Variants in UGT1A4 observed in about 807,000 individuals in gnomAD.
UGT1A4 encodes the protein UDP-glucuronosyltransferase 1A4.
A neutral mutation model predicts 41.1 loss-of-function variants in UGT1A4; 32 were observed. The ratio of observed to expected loss-of-function variants is 0.78; its 90% CI spans 0.59 to 1.05. The LOEUF (loss-of-function observed/expected upper bound fraction) is 1.05. Ranked by LOEUF, UGT1A4 falls within the 50% of genes least tolerant of loss-of-function variation. The pLI, the probability that UGT1A4 is intolerant of heterozygous loss-of-function variation, is 0.00. For synonymous variants in UGT1A4, 283 were observed against 265.1 expected (o/e 1.07, Z -0.66); for missense variants, 748 against 677.4 (o/e 1.10, Z -1.16).
intron 1 of UGT1A4, chr2:233,753,285 G>A (rs1446489164): frequency 6.6e-6 from 1 of 152,238 alleles, no homozygotes; most frequent in Admixed American, 6.5e-5. Context: ...TGATTTCAGA[G>A]TTCAGTGTGA....
rs188496889 is a variant in UGT1A4, at chr2:233,733,647, G to A, written c.867+13960G>A. Among the ~76,000 whole-genome samples, 3 of 152,328 alleles carry A rather than the reference G, an allele frequency of 2.0e-5. No individual in the cohort carries two copies. The East Asian group carries it at 5.8e-4, about 29-fold the overall frequency. ...ATGTTGAACCAGCCTTGCATCCCAA[G>A]GATGAAGCCGACTTGATCGATGTGG... On this transcript the variant is annotated intron_variant, in intron 1 of 4. Coordinates refer to ENST00000373409, the MANE Select transcript of UGT1A4 (RefSeq NM_007120.3).
rs146073833 is a variant in UGT1A4, at chr2:233,719,292, G to C, written c.472G>C (p.Gly158Arg). 6.2e-7 allele frequency: 1 copy of C among 1,613,496 alleles called. No homozygotes were observed. Among genetic ancestry groups the C allele is most frequent in the South Asian group, 1.1e-5 (1 of 91,050 alleles). Residue 158 changes from glycine (G) to arginine (R), a missense_variant, in exon 1 of 5, where the codon GGG becomes CGG. Transcript: ENST00000373409. ...VVLTDPVNLC[G>R]AVLAKYLSIP... ...TTTAACAGACCCCGTTAACCTCTGT[G>C]GGGCGGTGCTGGCTAAGTACCTGTC... is the stretch of plus-strand genomic sequence containing the variant.
chr2:233,719,423 T>C lies in UGT1A4; in HGVS notation c.603T>C (p.Asn201=), dbSNP rs1466755508. The change falls in exon 1 of 5, where the codon AAT becomes AAC. Residue 201 remains asparagine, a synonymous_variant. Coordinates refer to ENST00000373409, the MANE Select transcript of UGT1A4 (RefSeq NM_007120.3). ...SSYIPKLLTT[N]SDHMTFLQRV... The stretch of plus-strand genomic sequence containing the variant: ...ATATTCCTAAGTTACTAACGACCAA[T>C]TCAGACCACATGACATTCCTGCAAA... The C allele has an allele frequency of 3.7e-6, 6 of 1,613,856 alleles. No individual in the cohort carries two copies. The highest frequency in any genetic ancestry group is 2.5e-6 in the Non-Finnish European group (3 of 1,179,880).
At chr2:233,731,174 T>A (rs1363213399) in intron 1 of UGT1A4, among the ~76,000 whole-genome samples, 2 of 152,202 alleles carry the variant, frequency 1.3e-5, no homozygotes, top group Admixed American at 6.5e-5. Context: ...ATGATTTTTT[T>A]ATGCAATGTA....
intron 1 of UGT1A4, chr2:233,730,107 G>T: frequency 1.3e-6 from 2 of 1,570,872 alleles, no homozygotes; most frequent in Non-Finnish European, 1.7e-6. Flanking sequence ...TTTCATTTCT[G>T]CTTCTCCTTG....
intron 1 of UGT1A4, among the ~76,000 whole-genome samples, chr2:233,736,069 T>G (rs1320914506): frequency 6.6e-6 from 1 of 152,194 alleles, no homozygotes; most frequent in Non-Finnish European, 1.5e-5. Flanking sequence ...CTTGCTAGGT[T>G]TGGGAAGTTC....
chr2:233,749,292 A>T (rs1326160420), intron 1 of UGT1A4, among the ~76,000 whole-genome samples: 1 of 151,992 alleles, frequency 6.6e-6, no homozygotes, highest in Admixed American at 6.5e-5. Flanking sequence ...GTAGTTATTC[A>T]ATTATAAAAT....
chr2:233,729,266 T>A (rs6431625), intron 1 of UGT1A4: 2 of 1,613,820 alleles, frequency 1.2e-6, no homozygotes, highest in East Asian at 4.5e-5. Context: ...ATGCGGGAGG[T>A]CTTGCGGGAG....
chr2:233,772,746 T>C lies in UGT1A4; in HGVS notation c.*187T>C. On this transcript the variant is annotated 3_prime_UTR_variant, in exon 5 of 5. Coordinates refer to ENST00000373409, the MANE Select transcript of UGT1A4 (RefSeq NM_007120.3). ...ATAGACTCGCTAGTCAGTAAAGATA[T>C]TTGAATATGTATCGTGCCCCCTCTG... The C allele has an allele frequency of 7.0e-7, 1 of 1,422,530 alleles. No individual in the cohort carries two copies. 88.1% of individuals were successfully genotyped at this position (1,422,530 alleles called of 1,614,324 possible).
At chr2:233,751,940 C>A (rs1176362402) in intron 1 of UGT1A4, among the ~76,000 whole-genome samples, 1 of 152,072 alleles carries the variant, frequency 6.6e-6, no homozygotes, top group Non-Finnish European at 1.5e-5. Flanking sequence ...TGAAGTTATA[C>A]TGAAAGGGTT....
rs766578846 is a variant in UGT1A4 at position 233,743,643 on chromosome 2, T to C, written c.868-23391T>C. On this transcript the variant is annotated intron_variant, in intron 1 of 4. Transcript: ENST00000373409. ...AAGACGTCGGCTGGGTCGCGGAAGC[T>C]GAAGACGTACTCGAAGGGGTCCTCG... 2.2e-6 allele frequency: 3 copies of C among 1,367,168 alleles called. No homozygotes were observed. In the African/African-American group the frequency reaches 4.5e-5, roughly 20 times the overall value. The allele number at this position is 1,367,168 out of a possible 1,614,324, so 84.7% of individuals were successfully genotyped here.
At chr2:233,746,150 G>A (rs1029682140) in intron 1 of UGT1A4, among the ~76,000 whole-genome samples, 1 of 151,866 alleles carries the variant, frequency 6.6e-6, no homozygotes, top group African/African-American at 2.4e-5. Flanking sequence ...GTGATAGCAT[G>A]ATTCCAAAGC....
intron 1 of UGT1A4, chr2:233,729,995 T>A (rs776522612): frequency 3.7e-6 from 6 of 1,613,982 alleles, no homozygotes; most frequent in Non-Finnish European, 4.2e-6. Flanking sequence ...CTATCTCAGG[T>A]CTGTATTGGT....
chr2:233,743,044 G>A lies in UGT1A4; in HGVS notation c.867+23357G>A, dbSNP rs1369920838. On this transcript the variant is annotated intron_variant, in intron 1 of 4. Coordinates refer to ENST00000373409, the MANE Select transcript of UGT1A4 (RefSeq NM_007120.3). ...AAAGACAAACAGAGGTCCTATCCGT[G>A]TAGTCCCAACGATAAGAACAGGTGT... The A allele has an allele frequency of 1.9e-5, 6 of 317,270 alleles. 1 individual carries two copies. The highest frequency in any genetic ancestry group is 4.4e-5 in the African/African-American group (2 of 45,752). The allele number at this position is 317,270 out of a possible 1,614,324, so 19.7% of individuals were successfully genotyped here. A position where few individuals can be genotyped will look rare whatever the true frequency, so the allele number is the denominator to read the frequency against.
intron 1 of UGT1A4, among the ~76,000 whole-genome samples, chr2:233,741,359 CA>C (rs1323316954): frequency 6.6e-6 from 1 of 151,778 alleles, no homozygotes; most frequent in Non-Finnish European, 1.5e-5. Flanking sequence ...CACAAAACCA[CA>C]ATGAAACTGC....
chr2:233,720,853 G>GT (rs1012802434), intron 1 of UGT1A4, among the ~76,000 whole-genome samples: 2 of 150,286 alleles, frequency 1.3e-5, no homozygotes, highest in Admixed American at 6.6e-5. Flanking sequence ...CTGCAGGCAT[G>GT]TGCCACTGCT....
chr2:233,720,041 A>T (rs2076825366), intron 1 of UGT1A4, among the ~76,000 whole-genome samples: 1 of 152,182 alleles, frequency 6.6e-6, no homozygotes, highest in Non-Finnish European at 1.5e-5. Flanking sequence ...CCTGATTTTC[A>T]GCTGAACGGT....
Position 233,769,296 on chromosome 2 carries a change from A to G in UGT1A4, c.1307+857A>G, listed in dbSNP as rs1325242362. 6.6e-6 allele frequency among the ~76,000 whole-genome samples: 1 copy of G among 152,258 alleles called. No homozygotes were observed. Among genetic ancestry groups the G allele is most frequent in the African/African-American group, 2.4e-5 (1 of 41,468 alleles). ...GGCAAATGATTTCTGGATTAAAGTT[A>G]GTATATTACTGTCAAGCTCACTGGT... On this transcript the variant is annotated intron_variant, in intron 4 of 4. Transcript: ENST00000373409. This position sits in a 1 kb window ranked among gnomAD's most constrained non-coding sequence, Gnocchi z 4.4.
intron 1 of UGT1A4, among the ~76,000 whole-genome samples, chr2:233,737,497 A>G (rs1575619064): frequency 6.6e-6 from 1 of 152,008 alleles, no homozygotes. Context: ...GAAATCCCTC[A>G]CCCTCTTGCA....
Sources: allele counts gnomAD v4.1 joint callset (sites outside exome capture counted in the v4.1 genomes callset), GRCh38; gene constraint gnomAD v4.1.1; non-coding constraint Gnocchi (gnomAD v3.1); transcripts MANE v1.5; gene names NCBI Gene and HGNC (gene_info 2026-07-23, HGNC 2026-07-21).